Variants in CD5 observed in about 807,000 individuals in gnomAD.
CD5 encodes the protein CD5 molecule, also known as T-cell surface glycoprotein CD5.
Under a neutral mutation model 60.3 loss-of-function variants are expected in CD5, and 36 were observed. The observed-to-expected ratio is 0.60, with a 90% CI of 0.46 to 0.79. CD5 has a LOEUF of 0.79. CD5 is among the 30% of genes least tolerant of loss of function. The pLI, the probability that CD5 is intolerant of heterozygous loss-of-function variation, is 0.00. For synonymous variants in CD5, 230 were observed against 257.6 expected (o/e 0.89, Z 1.03); for missense variants, 540 against 630.6 (o/e 0.86, Z 1.54).
intron 1 of CD5, among the ~76,000 whole-genome samples, chr11:61,105,811 C>T (rs1379802697): frequency 6.6e-6 from 1 of 152,168 alleles, no homozygotes; most frequent in African/African-American, 2.4e-5. Flanking sequence ...AACAGGAGAG[C>T]TGTTAGAGAA....
intron 1 of CD5, among the ~76,000 whole-genome samples, chr11:61,104,250 A>G (rs905742792): frequency 1.1e-4 from 16 of 152,088 alleles, no homozygotes; most frequent in Non-Finnish European, 1.6e-4. Flanking sequence ...TCCCCAACAC[A>G]TGTGACAATG....
At chr11:61,098,723 G>C (rs369631492), upstream of CD5, among the ~76,000 whole-genome samples, 62 of 152,326 alleles carry the variant, frequency 4.1e-4, 1 homozygote, top group South Asian at 0.012. Flanking sequence ...GACAGGAATT[G>C]CTCACTCAGA....
intron 1 of CD5, 90 bp from the exon 2 acceptor site, chr11:61,114,966 G>T: frequency 8.1e-7 from 1 of 1,240,634 alleles, no homozygotes; most frequent in South Asian, 1.3e-5. Context: ...AGGCAGAAAG[G>T]GCCATTGCTC....
chr11:61,121,756 G>A lies in CD5; in HGVS notation c.951G>A (p.Arg317=). Residue 317 remains arginine (R), a synonymous_variant, in exon 6 of 11, where the codon CGG becomes CGA. Transcript: ENST00000347785. ...CGCTGCGGTGGGAGGAGGTGTGCCG[G>A]GAGCAGCAGTGTGGCAGCGTCAACT... ...RSSLRWEEVC[R]EQQCGSVNSY... 4 of 1,612,178 alleles carry A rather than the reference G, an allele frequency of 2.5e-6. No homozygotes were observed. The highest frequency in any genetic ancestry group is 3.4e-6 in the Non-Finnish European group (4 of 1,178,744).
intron 1 of CD5, among the ~76,000 whole-genome samples, chr11:61,112,680 C>T (rs1393725692): frequency 6.6e-6 from 1 of 151,934 alleles, no homozygotes; most frequent in African/African-American, 2.4e-5. Flanking sequence ...CGATTGACAA[C>T]TAGACCATCC....
chr11:61,109,963 CG>C (rs1420493099), intron 1 of CD5, among the ~76,000 whole-genome samples: 4 of 151,978 alleles, frequency 2.6e-5, no homozygotes, highest in Non-Finnish European at 4.4e-5. Context: ...TCTGGAGTCT[CG>C]GGGATTCTGT....
chr11:61,108,687 A>G (rs1320703430), intron 1 of CD5, among the ~76,000 whole-genome samples: 1 of 152,208 alleles, frequency 6.6e-6, no homozygotes, highest in Non-Finnish European at 1.5e-5. Flanking sequence ...TTTCATGGAC[A>G]TCGATGGCTG....
At chr11:61,117,689 G>A (rs1020978190) in intron 2 of CD5, among the ~76,000 whole-genome samples, 21 of 152,038 alleles carry the variant, frequency 1.4e-4, no homozygotes, top group Non-Finnish European at 2.9e-5. Flanking sequence ...AGTAGAGATG[G>A]GGTTTCACCA....
chr11:61,116,748 CCA>C (rs1167291800), intron 2 of CD5, among the ~76,000 whole-genome samples: 10 of 112,868 alleles, frequency 8.9e-5, no homozygotes, highest in Admixed American at 3.7e-4. Flanking sequence ...ACCACATACA[CCA>C]CACACACACC....
In CD5 at chr11:61,102,783, C is replaced by T. The variant is rs143419448; in HGVS notation, c.55+168C>T. On this transcript the variant is annotated intron_variant, in intron 1 of 10. Transcript: ENST00000347785. ...CCTGCCTGCCCCCACTAAGCCGCAG[C>T]TTGGCCCTCTGTCCTGCATGTCCCA... 5.7e-3 allele frequency among the ~76,000 whole-genome samples: 873 copies of T among 152,318 alleles called. 16 individuals carry two copies. The highest frequency in any genetic ancestry group is 0.02 in the African/African-American group (816 of 41,566).
chr11:61,096,920 G>C, the CD5 span, among the ~76,000 whole-genome samples: 1 of 152,138 alleles, frequency 6.6e-6, no homozygotes, highest in Non-Finnish European at 1.5e-5. Context: ...AAGGAATCCA[G>C]GTTCCTCTCA....
upstream of CD5, among the ~76,000 whole-genome samples, chr11:61,099,497 G>A: frequency 7.2e-6 from 1 of 138,218 alleles, no homozygotes; most frequent in East Asian, 2.2e-4. Context: ...CATCAACATG[G>A]AGATCACACA....
chr11:61,111,626 T>C (rs532806581), intron 1 of CD5, among the ~76,000 whole-genome samples: 2 of 152,270 alleles, frequency 1.3e-5, no homozygotes, highest in South Asian at 2.1e-4. Flanking sequence ...ACAAACCCAT[T>C]GCAAACTTGA....
chr11:61,122,232 A>T (rs923837301), intron 6 of CD5, among the ~76,000 whole-genome samples: 3 of 151,294 alleles, frequency 2.0e-5, no homozygotes, highest in Non-Finnish European at 4.4e-5. Flanking sequence ...TTGCTACATG[A>T]ATGGTAACTA....
At chr11:61,099,924 TCACA>T (rs201142207), upstream of CD5, among the ~76,000 whole-genome samples, 1 of 136,222 alleles carries the variant, frequency 7.3e-6, no homozygotes, top group Non-Finnish European at 1.5e-5. Flanking sequence ...AACATGGAGA[TCACA>T]CACACATCAA....
Position 61,119,172 on chromosome 11 carries a change from G to A in CD5, c.464-62G>A, listed in dbSNP as rs542466121. On this transcript the variant is annotated intron_variant, in intron 4 of 10. Coordinates refer to ENST00000347785, the MANE Select transcript of CD5 (RefSeq NM_014207.4). ...TCCACAAGTTGGGGCCAAACAGCAA[G>A]GAGTGCCCAGGAAGCCCTCGGCGCT... The A allele has an allele frequency of 2.1e-5, 31 of 1,448,228 alleles. No individual in the cohort carries two copies. In the African/African-American group the frequency reaches 3.7e-4, roughly 17 times the overall value. The allele number at this position is 1,448,228 out of a possible 1,614,324, so 89.7% of individuals were successfully genotyped here. A position where few individuals can be genotyped will look rare whatever the true frequency, so the allele number is the denominator to read the frequency against.
At chr11:61,107,352 G>T (rs1054947159) in intron 1 of CD5, among the ~76,000 whole-genome samples, 21 of 152,180 alleles carry the variant, frequency 1.4e-4, no homozygotes, top group African/African-American at 5.1e-4. Context: ...CCATGCACTG[G>T]ACAGCCACAC....
In CD5 at chr11:61,118,812, A is replaced by C. The variant is rs978520558; in HGVS notation, c.401-103A>C. 6.4e-6 allele frequency: 5 copies of C among 784,324 alleles called. No homozygotes were observed. The highest frequency in any genetic ancestry group is 2.3e-5 in the Admixed American group (1 of 42,948). The allele number at this position is 784,324 out of a possible 1,614,324, so 48.6% of individuals were successfully genotyped here. A position where few individuals can be genotyped will look rare whatever the true frequency, so the allele number is the denominator to read the frequency against. On this transcript the variant is annotated intron_variant, in intron 3 of 10. Transcript: ENST00000347785. This position sits in a 1 kb window ranked among gnomAD's most constrained non-coding sequence, Gnocchi z 4.7. ...TGGGTCAAGTGGACCTGGTGTGCCAAGCGGCACTCATGCCAGGAGCTCCTG... is the reference window on the plus strand; with the variant it reads ...TGGGTCAAGTGGACCTGGTGTGCCACGCGGCACTCATGCCAGGAGCTCCTG...
chr11:61,102,009 C>A (rs545230), upstream of CD5, among the ~76,000 whole-genome samples: 110,869 of 152,160 alleles, frequency 0.73, 41,957 homozygotes, highest in East Asian at 1. Flanking sequence ...TAGCAAAACA[C>A]CACCTGTGGA....
Sources: gnomAD v4.1 joint callset for allele counts (sites outside exome capture counted in the v4.1 genomes callset) on GRCh38, gnomAD v4.1.1 for gene constraint, Gnocchi (gnomAD v3.1) non-coding constraint, MANE v1.5 for transcripts, NCBI Gene and HGNC (gene_info 2026-07-23, HGNC 2026-07-21) for gene names.